The following CLUH variants were observed in gnomAD, a reference collection of about 807,000 sequenced individuals.
CLUH encodes clustered mitochondria protein homolog.
Under a neutral mutation model 139.3 loss-of-function variants are expected in CLUH, and 77 were observed. That is an observed-to-expected ratio of 0.55 (90% CI 0.46 to 0.67). The LOEUF is 0.67. CLUH is among the 30% of genes least tolerant of loss of function. The probability of loss-of-function intolerance (pLI) is 0.00; values close to 1 mark genes in which losing one functional copy is unlikely to be tolerated. For synonymous variants in CLUH, 999 were observed against 801.6 expected, an observed-to-expected ratio of 1.25 and a Z score of -4.16; for missense variants, 1,876 against 1,875.8, an observed-to-expected ratio of 1.00 and a Z score of 0.00.
At chr17:2,699,803 TG>T (rs1555531448) in intron 9 of CLUH, among the ~76,000 whole-genome samples, 15 of 152,170 alleles carry the variant, frequency 9.9e-5, no homozygotes, top group Non-Finnish European at 1.5e-5. Flanking sequence ...AGCTAATTTT[TG>T]TATTTTTAGT....
chr17:2,692,536 C>G, intron 21 of CLUH, 35 bp downstream of exon 21: 1 of 1,601,268 alleles, frequency 6.2e-7, no homozygotes, highest in Non-Finnish European at 8.5e-7. Context: ...TGGGATGGAG[C>G]TGGGTCCCTG....
chr17:2,710,800 T>C (rs147483529), intron 1 of CLUH, among the ~76,000 whole-genome samples: 47 of 152,222 alleles, frequency 3.1e-4, no homozygotes, highest in Non-Finnish European at 6.3e-4. Flanking sequence ...CTAACGACCT[T>C]TGCCTTAAAA....
At position 2,698,036 on chromosome 17, in the gene CLUH, G is replaced by A. The variant is rs746501105; in HGVS notation, c.1821C>T (p.Thr607=). Residue 607 remains threonine (T), a synonymous_variant, in exon 10 of 26, where the codon ACC becomes ACT. Coordinates refer to ENST00000651024, the MANE Select transcript of CLUH (RefSeq NM_001366661.1). ...GCAGGAAGTTGAGGTCCGGGGGGAA[G>A]GTGCGCAGCAGGTCGAGGATGTAGT... ...GRHYILDLLR[T]FPPDLNFLPV... is the part of the protein sequence containing the mutation. 3.9e-5 allele frequency: 63 copies of A among 1,605,786 alleles called. No individual in the cohort carries two copies. Among genetic ancestry groups the A allele is most frequent in the Non-Finnish European group, 5.2e-5 (61 of 1,179,112 alleles).
In CLUH at chr17:2,692,595, G is replaced by A. The variant is rs1257961039; in HGVS notation, c.3414C>T (p.Asp1138=). The A allele has an allele frequency of 1.2e-6, 2 of 1,612,490 alleles. No individual in the cohort carries two copies. The highest frequency in any genetic ancestry group is 1.7e-6 in the Non-Finnish European group (2 of 1,179,580). ...CGTCCAGCAGCGCCATCTCGGGGTGGTCTTCCCCGAACACCAGCAGCATGA... is the reference window on the plus strand; with the variant it reads ...CGTCCAGCAGCGCCATCTCGGGGTGATCTTCCCCGAACACCAGCAGCATGA... ...RYLMLLVFGE[D]HPEMALLDNN... The change falls in exon 21 of 26, where the codon GAC becomes GAT. Residue 1138 remains aspartate, a synonymous_variant. Transcript: ENST00000651024.
At position 2,711,625 on chromosome 17, in the gene CLUH, G is replaced by C. The variant is rs946794027; in HGVS notation, c.37C>G (p.Pro13Ala). 6 of 984,128 alleles carry C rather than the reference G, an allele frequency of 6.1e-6. No individual in the cohort carries two copies. Among genetic ancestry groups the C allele is most frequent in the African/African-American group, 1.8e-5 (1 of 57,020 alleles). The allele number at this position is 984,128 out of a possible 1,614,324, so 61.0% of individuals were successfully genotyped here. ...IKTDELPAAA[P>A]ADSAREHGSQ... is the part of the protein sequence containing the mutation. ...CCGTGTTCCCGGGCGCTGTCGGCCG[G>C]GGCGGCCGCCGGCAACTCGTCCGTC... Residue 13 changes from proline to alanine, a missense_variant, in exon 1 of 26, where the codon CCG becomes GCG. Transcript: ENST00000651024.
At position 2,703,584 on chromosome 17, in the gene CLUH, C is replaced by A; in HGVS notation, c.304-95G>T. ...CGGTGAGAGGCCACGTAGCGGACAG[C>A]AAGGACAATATCCCCTTGTCCCCAG... is the stretch of plus-strand genomic sequence containing the variant. On this transcript the variant is annotated intron_variant, in intron 2 of 25. Transcript: ENST00000651024. The surrounding 1 kb of genome is among the most constrained non-coding windows in gnomAD (Gnocchi z 4.2). The A allele has an allele frequency of 7.9e-7, 1 of 1,259,400 alleles. No individual in the cohort carries two copies. Among genetic ancestry groups the A allele is most frequent in the Non-Finnish European group, 1.1e-6 (1 of 892,386 alleles). 78.0% of individuals were successfully genotyped at this position (1,259,400 alleles called of 1,614,324 possible).
At position 2,690,779 on chromosome 17, in the gene CLUH, T is replaced by C; in HGVS notation, c.3864-2A>G. On this transcript the variant is annotated splice_acceptor_variant, in intron 25 of 25. Transcript: ENST00000651024. LOFTEE classifies it high-confidence loss of function. ...TTCAGATTCTCCAGGTCTTTTTGGC[T>C]GAGGATAAGGGTGGGGATGGAGGTG... 6.6e-7 allele frequency: 1 copy of C among 1,503,994 alleles called. No homozygotes were observed. Among genetic ancestry groups the C allele is most frequent in the Non-Finnish European group, 8.8e-7 (1 of 1,136,566 alleles). The allele number at this position is 1,503,994 out of a possible 1,614,324, so 93.2% of individuals were successfully genotyped here. A position where few individuals can be genotyped will look rare whatever the true frequency, so the allele number is the denominator to read the frequency against.
At position 2,707,747 on chromosome 17, in the gene CLUH, G is replaced by GCCCA. The variant is rs2070389887; in HGVS notation, c.101-3184_101-3183insTGGG. Reference sequence around the variant, plus strand: ...AGACCCGGGTCCAGGCCATAAGGTGGCTGCCTCTGCCCACCAGTCCCAGAC... The same window carrying GCCCA: ...AGACCCGGGTCCAGGCCATAAGGTGGCCCACTGCCTCTGCCCACCAGTCCCAGAC... On this transcript the variant is annotated intron_variant, in intron 1 of 25. Coordinates refer to ENST00000651024, the MANE Select transcript of CLUH (RefSeq NM_001366661.1). The surrounding 1 kb of genome is among the most constrained non-coding windows in gnomAD (Gnocchi z 7.4). 1.0e-6 allele frequency: 1 copy of GCCCA among 985,318 alleles called. No individual in the cohort carries two copies. The highest frequency in any genetic ancestry group is 1.2e-6 in the Non-Finnish European group (1 of 829,924). 61.0% of individuals were successfully genotyped at this position (985,318 alleles called of 1,614,324 possible).
At chr17:2,694,449 ACACAGC>A (rs2151698544) in intron 17 of CLUH, 25 bp downstream of exon 17, 3 of 1,518,062 alleles carry the variant, frequency 2.0e-6, no homozygotes, top group Non-Finnish European at 2.7e-6. Context: ...CACAGCGGGG[ACACAGC>A]GGGGATGCTG....
intron 13 of CLUH, 132 bp downstream of exon 13, chr17:2,696,027 G>A (rs1250438645): frequency 1.4e-6 from 1 of 727,810 alleles, no homozygotes; most frequent in South Asian, 1.8e-5. Flanking sequence ...CTGTCAAACG[G>A]GGATGCCCAC....
chr17:2,692,735 C>T (rs755267780), intron 20 of CLUH, 39 bp from the exon 21 acceptor site: 75 of 1,600,790 alleles, frequency 4.7e-5, no homozygotes, highest in Non-Finnish European at 6.4e-5. Context: ...TGGCCGCGGA[C>T]CCAGCCCCTC....
At chr17:2,691,029 G>C (rs929593875) in intron 25 of CLUH, among the ~76,000 whole-genome samples, 11 of 152,090 alleles carry the variant, frequency 7.2e-5, no homozygotes, top group African/African-American at 2.2e-4. Flanking sequence ...GGAGGAAAGC[G>C]GAGTTGGGGG....
Position 2,700,751 on chromosome 17 carries a change from T to C in CLUH, c.1100A>G (p.His367Arg). The change falls in exon 8 of 26, where the codon CAT becomes CGT. Residue 367 changes from histidine (H) to arginine (R), a missense_variant. Physicochemically the swap from His to Arg is conservative, Grantham distance 29 (BLOSUM62 0). Coordinates refer to ENST00000651024, the MANE Select transcript of CLUH (RefSeq NM_001366661.1). The part of the protein sequence containing the change: ...VYSWTAPQAE[H>R]AMDCVRAEDA... ...CTCTGCACGCACGCAATCCATGGCATGCTCCGCCTGGGGGGCTGTCCAGCT... is the reference window on the plus strand; with the variant it reads ...CTCTGCACGCACGCAATCCATGGCACGCTCCGCCTGGGGGGCTGTCCAGCT... 2 of 1,547,718 alleles carry C rather than the reference T, an allele frequency of 1.3e-6. No homozygotes were observed. Among genetic ancestry groups the C allele is most frequent in the Non-Finnish European group, 8.7e-7 (1 of 1,151,932 alleles).
chr17:2,694,868 G>T lies in CLUH; in HGVS notation c.2841C>A (p.Phe947Leu), dbSNP rs773260152. The T allele has an allele frequency of 6.5e-7, 1 of 1,531,818 alleles. No individual in the cohort carries two copies. Among genetic ancestry groups the T allele is most frequent in the South Asian group, 1.2e-5 (1 of 80,244 alleles). 94.9% of individuals were successfully genotyped at this position (1,531,818 alleles called of 1,614,324 possible). Residue 947 changes from phenylalanine to leucine, a missense_variant, in exon 16 of 26, where the codon TTC becomes TTA. Physicochemically the swap from Phe to Leu is conservative, Grantham distance 22. Around this residue, in one of 3 missense-constraint regions of CLUH, gnomAD observed 1,454 missense variants for 1,384.4 expected, o/e 1.05. Transcript: ENST00000651024. ...TGCCCCGCACGCACCACTCGAGGTCGAAGTCAAAGTAGTTCTTGGCCTCCT... is the reference window on the plus strand; with the variant it reads ...TGCCCCGCACGCACCACTCGAGGTCTAAGTCAAAGTAGTTCTTGGCCTCCT... ...ICQEAKNYFD[F>L]DLECETVDQA...
At position 2,707,627 on chromosome 17, in the gene CLUH, AG is replaced by A; in HGVS notation, c.101-3064del. ...TTGAGGGCCTAGGAGACTGGCTGGCAGGGGCAGGGCCCAGCAAGGGGGTCCT... is the reference window on the plus strand; with the variant it reads ...TTGAGGGCCTAGGAGACTGGCTGGCAGGGCAGGGCCCAGCAAGGGGGTCCT... On this transcript the variant is annotated intron_variant, in intron 1 of 25. Transcript: ENST00000651024. The surrounding 1 kb of genome is among the most constrained non-coding windows in gnomAD (Gnocchi z 7.4). 1 of 985,366 alleles carries A rather than the reference AG, an allele frequency of 1.0e-6. No homozygotes were observed. Among genetic ancestry groups the A allele is most frequent in the Non-Finnish European group, 1.2e-6 (1 of 829,894 alleles). The allele number at this position is 985,366 out of a possible 1,614,324, so 61.0% of individuals were successfully genotyped here.
At chr17:2,700,069 C>T (rs925566909) in intron 9 of CLUH, among the ~76,000 whole-genome samples, 6 of 152,258 alleles carry the variant, frequency 3.9e-5, no homozygotes, top group African/African-American at 1.4e-4. Flanking sequence ...GGCCAGTGCT[C>T]GCCCAGGCAA....
In CLUH at chr17:2,707,780, A is replaced by C; in HGVS notation, c.101-3216T>G. On this transcript the variant is annotated intron_variant, in intron 1 of 25. Coordinates refer to ENST00000651024, the MANE Select transcript of CLUH (RefSeq NM_001366661.1). This position sits in a 1 kb window ranked among gnomAD's most constrained non-coding sequence, Gnocchi z 7.4. ...TGCCCACCAGTCCCAGACACTGAGC[A>C]CCCCACTGTCCCTGGGCCAAGGGCC... The C allele has an allele frequency of 1.0e-6, 1 of 985,282 alleles. No individual in the cohort carries two copies. The highest frequency in any genetic ancestry group is 1.2e-6 in the Non-Finnish European group (1 of 829,886). The allele number at this position is 985,282 out of a possible 1,614,324, so 61.0% of individuals were successfully genotyped here.
intron 18 of CLUH, 35 bp downstream of exon 18, chr17:2,694,087 AC>A: frequency 1.2e-6 from 2 of 1,613,512 alleles, no homozygotes; most frequent in Non-Finnish European, 1.7e-6. Context: ...GCCATGGGGA[AC>A]CCCCACCTCC....
intron 1 of CLUH, among the ~76,000 whole-genome samples, chr17:2,705,636 T>C (rs1392555455): frequency 6.6e-6 from 1 of 151,896 alleles, no homozygotes. Context: ...TCACACTCCC[T>C]CCCCCTTTCA....
Sources: gnomAD v4.1 joint callset for allele counts (sites outside exome capture counted in the v4.1 genomes callset) on GRCh38, gnomAD v4.1.1 for gene constraint, gnomAD v4.1.1 regional missense constraint, Gnocchi (gnomAD v3.1) non-coding constraint, MANE v1.5 for transcripts, NCBI Gene and HGNC (gene_info 2026-07-23, HGNC 2026-07-21) for gene names.